Variants in LRMDA observed in about 807,000 individuals in gnomAD.
LRMDA encodes leucine-rich melanocyte differentiation-associated protein.
In LRMDA, 18 loss-of-function variants were observed where a neutral mutation model predicts 29.8. The observed-to-expected ratio is 0.60, with a 90% CI of 0.42 to 0.90. The LOEUF (loss-of-function observed/expected upper bound fraction) is 0.90. Among genes scored for constraint, LRMDA ranks in the 40% least tolerant of loss-of-function variants. The pLI is 0.00. For missense variants in LRMDA, 273 were observed against 273.9 expected (o/e 1.00, Z 0.02); for synonymous variants, 125 against 109.4 (o/e 1.14, Z -0.89).
chr10:76,406,899 A>G (rs779761057), intron 6 of LRMDA, among the ~76,000 whole-genome samples: 1 of 152,228 alleles, frequency 6.6e-6, no homozygotes, highest in Non-Finnish European at 1.5e-5. Context: ...AAAAAAACTC[A>G]GAAAGGCTGG....
intron 2 of LRMDA, among the ~76,000 whole-genome samples, chr10:75,571,541 A>C (rs1043212545): frequency 1.3e-5 from 2 of 152,208 alleles, no homozygotes; most frequent in African/African-American, 4.8e-5. Flanking sequence ...AATCTGGATT[A>C]TTTAAAGGCC....
At chr10:76,429,560 G>A (rs146900940) in intron 6 of LRMDA, among the ~76,000 whole-genome samples, 1 of 152,080 alleles carries the variant, frequency 6.6e-6, no homozygotes, top group Non-Finnish European at 1.5e-5. Context: ...CAGGGATGAC[G>A]GGTTGCGTTT....
intron 2 of LRMDA, among the ~76,000 whole-genome samples, chr10:75,608,110 G>GTATATATATA: frequency 9.9e-6 from 1 of 101,402 alleles, no homozygotes; most frequent in East Asian, 3.0e-4. Context: ...TGTAGTGTGT[G>GTATATATATA]TATATATATA....
rs140192512 is a variant in LRMDA at position 76,287,017 on chromosome 10, A to G, written c.517-37384A>G. Among the ~76,000 whole-genome samples the G allele has an allele frequency of 2.0e-5, 3 of 152,282 alleles. No individual in the cohort carries two copies. In the East Asian group the frequency reaches 5.8e-4, roughly 29 times the overall value. On this transcript the variant is annotated intron_variant, in intron 5 of 6. Transcript: ENST00000611255. ...TATTATGTCCTCTATTATTAATGGCAGAGACAATGATATAATTATTTATGC... is the reference window on the plus strand; with the variant it reads ...TATTATGTCCTCTATTATTAATGGCGGAGACAATGATATAATTATTTATGC...
At chr10:75,642,643 T>G (rs898260649) in intron 2 of LRMDA, 6 of 152,250 alleles carry the variant, frequency 3.9e-5, no homozygotes, top group Admixed American at 2.0e-4. Flanking sequence ...ATGCAGTGGA[T>G]GAATTTTTGG....
chr10:76,389,165 G>A (rs1841694189), intron 6 of LRMDA, among the ~76,000 whole-genome samples: 3 of 152,200 alleles, frequency 2.0e-5, no homozygotes, highest in Admixed American at 2.0e-4. Flanking sequence ...TAGATGGTTG[G>A]AATGGGAAAA....
At chr10:76,317,478 T>C (rs890204723) in intron 5 of LRMDA, among the ~76,000 whole-genome samples, 7 of 152,178 alleles carry the variant, frequency 4.6e-5, no homozygotes, top group Admixed American at 4.6e-4. Context: ...ATATGAGTAG[T>C]GTTTTAAATT....
chr10:76,288,804 C>G (rs552355986), intron 5 of LRMDA, among the ~76,000 whole-genome samples: 2 of 152,140 alleles, frequency 1.3e-5, no homozygotes, highest in African/African-American at 4.8e-5. Flanking sequence ...GGAAGAGATT[C>G]TTGGAAAATT....
chr10:75,497,053 G>T (rs1845052722), intron 2 of LRMDA, among the ~76,000 whole-genome samples: 1 of 151,564 alleles, frequency 6.6e-6, no homozygotes, highest in Non-Finnish European at 1.5e-5. Context: ...GGGAATGAAA[G>T]ACATATGCAT....
intron 6 of LRMDA, among the ~76,000 whole-genome samples, chr10:76,406,378 C>T (rs776026563): frequency 7.2e-5 from 11 of 152,284 alleles, no homozygotes; most frequent in Middle Eastern, 3.4e-3. Context: ...GATGAACTAT[C>T]GTATTTTCTT....
At chr10:75,957,072 A>G (rs755748891) in intron 2 of LRMDA, among the ~76,000 whole-genome samples, 1 of 152,242 alleles carries the variant, frequency 6.6e-6, no homozygotes, top group Non-Finnish European at 1.5e-5. Context: ...AACTTAGTTC[A>G]TGGTAGATAC....
chr10:75,458,469 A>C (rs1054920965), intron 2 of LRMDA, among the ~76,000 whole-genome samples: 1 of 47,892 alleles, frequency 2.1e-5, no homozygotes, highest in Non-Finnish European at 7.3e-5. Context: ...AAAAGGGAAG[A>C]GGGAGGAAGC....
At chr10:75,718,337 C>G (rs1842526635) in intron 2 of LRMDA, among the ~76,000 whole-genome samples, 1 of 152,150 alleles carries the variant, frequency 6.6e-6, no homozygotes, top group Admixed American at 6.5e-5. Context: ...GCAAGTTGTT[C>G]TCAGTTCAGG....
intron 5 of LRMDA, among the ~76,000 whole-genome samples, chr10:76,293,912 T>A (rs1840380674): frequency 6.6e-6 from 1 of 152,214 alleles, no homozygotes; most frequent in Non-Finnish European, 1.5e-5. Flanking sequence ...ATTAAACAGT[T>A]CACATTCATA....
At chr10:75,670,507 G>A (rs1841878062) in intron 2 of LRMDA, among the ~76,000 whole-genome samples, 1 of 152,182 alleles carries the variant, frequency 6.6e-6, no homozygotes, top group African/African-American at 2.4e-5. Context: ...GAAAAGTGAA[G>A]CAGGCTCGCT....
chr10:76,059,558 A>G (rs1453562835), intron 5 of LRMDA, among the ~76,000 whole-genome samples: 2 of 152,160 alleles, frequency 1.3e-5, no homozygotes, highest in Non-Finnish European at 2.9e-5. Context: ...TCCTTGGAGA[A>G]CCATCATTGC....
chr10:76,542,616 C>T (rs906655341), intron 6 of LRMDA, among the ~76,000 whole-genome samples: 2 of 152,160 alleles, frequency 1.3e-5, no homozygotes, highest in South Asian at 2.1e-4. Flanking sequence ...AGTTTAATTG[C>T]GTTGTTAATT....
At chr10:76,063,600 G>C (rs1848738097) in intron 5 of LRMDA, among the ~76,000 whole-genome samples, 2 of 152,034 alleles carry the variant, frequency 1.3e-5, no homozygotes, top group South Asian at 4.2e-4. Flanking sequence ...GTGTGTGATA[G>C]AAAGAAGGAA....
At chr10:76,523,281 G>A (rs1314971104) in intron 6 of LRMDA, among the ~76,000 whole-genome samples, 1 of 152,044 alleles carries the variant, frequency 6.6e-6, no homozygotes, top group Non-Finnish European at 1.5e-5. Context: ...TCCCCAAAGT[G>A]GCTTGTGTGT....
Sources: gnomAD v4.1 joint callset for allele counts (sites outside exome capture counted in the v4.1 genomes callset) on GRCh38, gnomAD v4.1.1 for gene constraint, MANE v1.5 for transcripts, NCBI Gene and HGNC (gene_info 2026-07-23, HGNC 2026-07-21) for gene names.